The following HPS3 variants were observed in gnomAD, a reference collection of about 807,000 sequenced individuals.
HPS3 encodes BLOC-2 complex member HPS3.
HPS3 carries 79 observed loss-of-function variants against 110.9 expected under a neutral mutation model. The observed-to-expected ratio is 0.71, with a 90% CI of 0.59 to 0.86. HPS3 has a LOEUF of 0.86. Ranked by LOEUF, HPS3 falls within the 40% of genes least tolerant of loss-of-function variation. The pLI is 0.00. For missense variants in HPS3, 1,197 were observed against 1,206.2 expected, an observed-to-expected ratio of 0.99 and a Z score of 0.11; for synonymous variants, 428 against 451.0, an observed-to-expected ratio of 0.95 and a Z score of 0.65.
chr3:149,135,038 C>T (rs1722006927), intron 1 of HPS3, among the ~76,000 whole-genome samples: 1 of 152,174 alleles, frequency 6.6e-6, no homozygotes, highest in African/African-American at 2.4e-5. Context: ...GCTCAATGCC[C>T]AGTGTCCTCC....
Position 149,129,800 on chromosome 3 carries a change from G to T in HPS3, c.77G>T (p.Cys26Phe). The T allele has an allele frequency of 1.2e-6, 2 of 1,606,504 alleles. No individual in the cohort carries two copies. Among genetic ancestry groups the T allele is most frequent in the Non-Finnish European group, 1.7e-6 (2 of 1,178,374 alleles). Residue 26 changes from cysteine (C) to phenylalanine (F), a missense_variant, in exon 1 of 17, where the codon TGT (cysteine) becomes TTT (phenylalanine). Transcript: ENST00000296051. ...VPCKLEPDRF[C>F]GGGRDALFVA... ...TGCAAGCTGGAGCCGGACCGGTTCT[G>T]TGGCGGGGGGCGTGACGCGCTTTTC...
intron 4 of HPS3, among the ~76,000 whole-genome samples, chr3:149,143,480 T>C (rs1722608299): frequency 6.6e-6 from 1 of 152,098 alleles, no homozygotes; most frequent in African/African-American, 2.4e-5. Flanking sequence ...CCAATCCCCA[T>C]CACTAGAATG....
chr3:149,156,539 C>G (rs1357874048), intron 8 of HPS3, among the ~76,000 whole-genome samples: 1 of 142,730 alleles, frequency 7.0e-6, no homozygotes, highest in South Asian at 2.2e-4. Flanking sequence ...TTCCCCTCTA[C>G]TTTTTTTTTG....
chr3:149,161,660 C>T (rs1367952434), intron 11 of HPS3, among the ~76,000 whole-genome samples: 2 of 151,974 alleles, frequency 1.3e-5, no homozygotes, highest in African/African-American at 4.8e-5. Context: ...CAGGTGTGTA[C>T]CACCATGCTT....
chr3:149,140,063 A>T lies in HPS3; in HGVS notation c.277A>T (p.Asn93Tyr). Residue 93 changes from asparagine (N) to tyrosine (Y), a missense_variant, in exon 2 of 17, where the codon AAC (asparagine) becomes TAC (tyrosine). By Grantham distance (143) the Asn-to-Tyr change is moderately radical (BLOSUM62 -2). Transcript: ENST00000296051. ...NKATFLRAYV[N>Y]WRNKRTENSR... is the part of the protein sequence containing the mutation. ...AGCTACATTTCTACGTGCTTATGTG[A>T]ACTGGAGAAATAAAAGGACTGAAAA... The T allele has an allele frequency of 6.2e-7, 1 of 1,612,896 alleles. No individual in the cohort carries two copies.
intron 14 of HPS3, among the ~76,000 whole-genome samples, chr3:149,165,371 T>C (rs1724309861): frequency 6.6e-6 from 1 of 152,226 alleles, no homozygotes; most frequent in South Asian, 2.1e-4. Context: ...TAAAATTTGT[T>C]TTAAAATATT....
In HPS3 at chr3:149,145,560, G is replaced by A. The variant is rs564325872; in HGVS notation, c.1163+14G>A. 7.5e-6 allele frequency: 12 copies of A among 1,607,094 alleles called. No homozygotes were observed. Among genetic ancestry groups the A allele is most frequent in the East Asian group, 6.7e-5 (3 of 44,856 alleles). Reference sequence around the variant, plus strand: ...CGTCATTACAAGGTACTGTTAGAGGGTCACTTGCTGGCCTGTGAGTCACTT... The same window carrying A: ...CGTCATTACAAGGTACTGTTAGAGGATCACTTGCTGGCCTGTGAGTCACTT... On this transcript the variant is annotated intron_variant, in intron 5 of 16. Coordinates refer to ENST00000296051, the MANE Select transcript of HPS3 (RefSeq NM_032383.5).
chr3:149,151,405 A>G (rs968228695), intron 6 of HPS3, among the ~76,000 whole-genome samples: 1 of 151,862 alleles, frequency 6.6e-6, no homozygotes, highest in Non-Finnish European at 1.5e-5. Flanking sequence ...CCAGAAATCA[A>G]TATACTTAAG....
intron 15 of HPS3, among the ~76,000 whole-genome samples, chr3:149,167,624 C>T (rs556210165): frequency 4.1e-4 from 62 of 152,030 alleles, no homozygotes; most frequent in South Asian, 3.3e-3. Context: ...GAGATGATAA[C>T]GGGATATGTC....
At chr3:149,132,155 G>A (rs1452953745) in intron 1 of HPS3, among the ~76,000 whole-genome samples, 2 of 152,226 alleles carry the variant, frequency 1.3e-5, no homozygotes, top group Non-Finnish European at 2.9e-5. Flanking sequence ...AAGTCCAGAA[G>A]ATATAGCTAA....
chr3:149,171,498 G>C (rs181644620), intron 16 of HPS3, among the ~76,000 whole-genome samples: 1 of 152,260 alleles, frequency 6.6e-6, no homozygotes, highest in Admixed American at 6.5e-5. Context: ...CTTTTCTTTA[G>C]AGGATAGTAG....
Position 149,167,913 on chromosome 3 carries a change from G to A in HPS3, c.2817G>A (p.Leu939=). 1 of 1,604,556 alleles carries A rather than the reference G, an allele frequency of 6.2e-7. No individual in the cohort carries two copies. Among genetic ancestry groups the A allele is most frequent in the Non-Finnish European group, 8.5e-7 (1 of 1,171,470 alleles). The change falls in exon 16 of 17, where the codon CTG becomes CTA. Residue 939 remains leucine (L), a synonymous_variant. Transcript: ENST00000296051. ...GATAGACTCTGTGGTGGAAAAAACT[G>A]TTGCCTGAACTTTGTCAGAGAATAA... is the stretch of plus-strand genomic sequence containing the variant. ...EENRTLWWKK[L]LPELCQRIKC...
At position 149,167,972 on chromosome 3, in the gene HPS3, C is replaced by T. The variant is rs1027421371; in HGVS notation, c.2876C>T (p.Ser959Leu). Residue 959 changes from serine (S) to leucine (L), a missense_variant, in exon 16 of 17, where the codon TCA becomes TTA. By Grantham distance (145) the Ser-to-Leu change is moderately radical. Coordinates refer to ENST00000296051, the MANE Select transcript of HPS3 (RefSeq NM_032383.5). Reference protein sequence around the residue: ...CGGEKYQLYLSSLKETLSIVA... With the variant: ...CGGEKYQLYLLSLKETLSIVA... ...GGAGAGAAGTATCAACTCTACCTGT[C>T]ATCATTAAAAGGTAAAATGATTTTT... The T allele has an allele frequency of 6.5e-7, 1 of 1,550,008 alleles. No homozygotes were observed. The highest frequency in any genetic ancestry group is 1.1e-5 in the South Asian group (1 of 89,598).
At chr3:149,161,935 C>A (rs1435304847) in intron 11 of HPS3, among the ~76,000 whole-genome samples, 2 of 152,142 alleles carry the variant, frequency 1.3e-5, no homozygotes, top group Non-Finnish European at 2.9e-5. Flanking sequence ...AAATAGGACA[C>A]CTTGATTCTT....
chr3:149,169,634 C>T (rs774609098), intron 16 of HPS3, among the ~76,000 whole-genome samples: 1 of 152,162 alleles, frequency 6.6e-6, no homozygotes, highest in Non-Finnish European at 1.5e-5. Flanking sequence ...TTATAACAAA[C>T]AAAAATGTCT....
intron 7 of HPS3, among the ~76,000 whole-genome samples, chr3:149,154,612 A>G (rs1414344881): frequency 2.0e-5 from 3 of 152,236 alleles, no homozygotes; most frequent in Admixed American, 1.3e-4. Flanking sequence ...ATTGTACACT[A>G]AAGAAAATGT....
In HPS3 at chr3:149,172,928, G is replaced by A. The variant is rs1202389664; in HGVS notation, c.*706G>A. ...TCTTGCTCTTTTAGCTAGAGTGTAT[G>A]TGAAAATAAAGAAATACATCATTGT... is the stretch of plus-strand genomic sequence containing the variant. On this transcript the variant is annotated 3_prime_UTR_variant, in exon 17 of 17. Coordinates refer to ENST00000296051, the MANE Select transcript of HPS3 (RefSeq NM_032383.5). 1 of 152,534 alleles carries A rather than the reference G, an allele frequency of 6.6e-6. No homozygotes were observed. The highest frequency in any genetic ancestry group is 1.9e-4 in the East Asian group (1 of 5,188). 9.4% of individuals were successfully genotyped at this position (152,534 alleles called of 1,614,324 possible).
Position 149,172,787 on chromosome 3 carries a change from T to G in HPS3, c.*565T>G, listed in dbSNP as rs1576720080. ...AAAACTCATGCTCTGTTTCTCTGAA[T>G]CAAATGAAGTAGAAGTTTACAAAGC... On this transcript the variant is annotated 3_prime_UTR_variant, in exon 17 of 17. Coordinates refer to ENST00000296051, the MANE Select transcript of HPS3 (RefSeq NM_032383.5). The G allele has an allele frequency of 1.3e-5, 2 of 153,018 alleles. No homozygotes were observed. Among genetic ancestry groups the G allele is most frequent in the South Asian group, 4.1e-4 (2 of 4,832 alleles). The allele number at this position is 153,018 out of a possible 1,614,324, so 9.5% of individuals were successfully genotyped here.
chr3:149,141,193 T>G lies in HPS3; in HGVS notation c.884+5T>G. On this transcript the variant is annotated splice_donor_5th_base_variant and intron_variant, in intron 3 of 16. Transcript: ENST00000296051. ...CTTTCAGCACCTGCTCTATAGGTAT[T>G]ATAGTGCTTTTTTTTTTTTTACCAG... The G allele has an allele frequency of 6.4e-7, 1 of 1,568,416 alleles. No homozygotes were observed. Among genetic ancestry groups the G allele is most frequent in the South Asian group, 1.1e-5 (1 of 88,556 alleles).
Sources: allele counts gnomAD v4.1 joint callset (sites outside exome capture counted in the v4.1 genomes callset), GRCh38; gene constraint gnomAD v4.1.1; transcripts MANE v1.5; gene names NCBI Gene and HGNC (gene_info 2026-07-23, HGNC 2026-07-21).